Variants in PPP3CC observed in about 807,000 individuals in gnomAD.
PPP3CC encodes the protein protein phosphatase 3 catalytic subunit gamma, also known as serine/threonine-protein phosphatase 2B catalytic subunit gamma isoform.
A neutral mutation model predicts 60.3 loss-of-function variants in PPP3CC; 35 were observed. That is an observed-to-expected ratio of 0.58 (90% confidence interval 0.44 to 0.77). The LOEUF (loss-of-function observed/expected upper bound fraction) is 0.77, where lower values mean the gene tolerates loss of function less well. Among genes scored for constraint, PPP3CC ranks in the 30% least tolerant of loss-of-function variants. PPP3CC has a pLI of 0.00. For synonymous variants in PPP3CC, 206 were observed against 224.3 expected, an observed-to-expected ratio of 0.92 and a Z score of 0.73; for missense variants, 570 against 628.9, an observed-to-expected ratio of 0.91 and a Z score of 1.00.
intron 8 of PPP3CC, among the ~76,000 whole-genome samples, chr8:22,524,615 G>C (rs147294156): frequency 6.9e-4 from 105 of 152,174 alleles, no homozygotes; most frequent in Middle Eastern, 3.4e-3. Context: ...GTTGTTAAAC[G>C]TCTTCAAGGA....
chr8:22,470,624 A>G (rs1053339819), intron 1 of PPP3CC, among the ~76,000 whole-genome samples: 1 of 152,216 alleles, frequency 6.6e-6, no homozygotes, highest in African/African-American at 2.4e-5. Context: ...ACATCCCCAA[A>G]GAAGATATTC....
At chr8:22,497,895 G>A in intron 3 of PPP3CC, 106 bp from the exon 4 acceptor site, 1 of 680,510 alleles carries the variant, frequency 1.5e-6, no homozygotes, top group Admixed American at 3.2e-5. Flanking sequence ...CAATTTGGGA[G>A]TAACAATGAG....
At chr8:22,511,564 G>A (rs1390136827) in intron 5 of PPP3CC, among the ~76,000 whole-genome samples, 1 of 151,992 alleles carries the variant, frequency 6.6e-6, no homozygotes, top group East Asian at 1.9e-4. Context: ...GCCACCGCAC[G>A]CCTGGCCTAA....
chr8:22,508,353 T>G (rs1838986878), intron 4 of PPP3CC, among the ~76,000 whole-genome samples: 1 of 152,178 alleles, frequency 6.6e-6, no homozygotes, highest in South Asian at 2.1e-4. Context: ...AAGAAAAATA[T>G]AGATACCATT....
chr8:22,486,926 C>T (rs1475850702), intron 3 of PPP3CC, among the ~76,000 whole-genome samples: 1 of 151,870 alleles, frequency 6.6e-6, no homozygotes, highest in Admixed American at 6.6e-5. Flanking sequence ...GATGGGGTTT[C>T]ACCATGTTGG....
intron 12 of PPP3CC, among the ~76,000 whole-genome samples, chr8:22,534,910 T>C (rs1001920021): frequency 1.3e-5 from 2 of 152,194 alleles, no homozygotes; most frequent in African/African-American, 4.8e-5. Context: ...TAAGAACCAT[T>C]GGACTAATCA....
At chr8:22,513,912 T>A (rs1839164197) in intron 6 of PPP3CC, among the ~76,000 whole-genome samples, 1 of 152,212 alleles carries the variant, frequency 6.6e-6, no homozygotes, top group Non-Finnish European at 1.5e-5. Context: ...GCTGTTGTTT[T>A]AAATTTCACA....
chr8:22,455,178 T>G (rs1254162097), intron 1 of PPP3CC, among the ~76,000 whole-genome samples: 1 of 152,196 alleles, frequency 6.6e-6, no homozygotes, highest in East Asian at 1.9e-4. Context: ...CATAAATATT[T>G]GATGAGTTCC....
At chr8:22,497,393 G>A (rs1387873052) in intron 3 of PPP3CC, among the ~76,000 whole-genome samples, 1 of 151,654 alleles carries the variant, frequency 6.6e-6, no homozygotes, top group Admixed American at 6.6e-5. Context: ...GAACTCCTAG[G>A]CTCAAGTGAG....
At chr8:22,498,926 C>T (rs946504766) in intron 4 of PPP3CC, among the ~76,000 whole-genome samples, 2 of 150,836 alleles carry the variant, frequency 1.3e-5, no homozygotes, top group African/African-American at 4.9e-5. Context: ...AGTTCAAGAC[C>T]AGCCTGGCCA....
rs369186152 is a variant in PPP3CC, at chr8:22,446,561, C to T, written c.49+5103C>T. ...TTTTTAGGCCAGGCGTGGTGGCTCA[C>T]GCCTATAATCCCAGTACTTTGGGAA... On this transcript the variant is annotated intron_variant, in intron 1 of 13. Transcript: ENST00000240139. Among the ~76,000 whole-genome samples, 21 of 152,074 alleles carry T rather than the reference C, an allele frequency of 1.4e-4. No homozygotes were observed. The South Asian group carries it at 1.5e-3, about 11-fold the overall frequency.
chr8:22,455,965 G>C (rs149971938), intron 1 of PPP3CC, among the ~76,000 whole-genome samples: 2 of 152,292 alleles, frequency 1.3e-5, no homozygotes, highest in East Asian at 3.8e-4. Flanking sequence ...CAGTTGAAAG[G>C]GCACATAATA....
At chr8:22,452,988 G>A (rs1349523702) in intron 1 of PPP3CC, among the ~76,000 whole-genome samples, 2 of 152,148 alleles carry the variant, frequency 1.3e-5, no homozygotes, top group Non-Finnish European at 2.9e-5. Flanking sequence ...ACGCTTAGGT[G>A]CTTAGTAAAT....
At chr8:22,452,545 A>G (rs1837067218) in intron 1 of PPP3CC, among the ~76,000 whole-genome samples, 1 of 151,944 alleles carries the variant, frequency 6.6e-6, no homozygotes, top group Non-Finnish European at 1.5e-5. Flanking sequence ...AGCCGGCTGA[A>G]GAAGTGCAGT....
intron 3 of PPP3CC, among the ~76,000 whole-genome samples, chr8:22,495,071 C>G (rs1838526404): frequency 6.6e-6 from 1 of 152,178 alleles, no homozygotes; most frequent in Non-Finnish European, 1.5e-5. Context: ...CCTCAGCCTC[C>G]TGAATAGCTG....
chr8:22,470,295 T>G (rs1837684418), intron 1 of PPP3CC, among the ~76,000 whole-genome samples: 1 of 152,056 alleles, frequency 6.6e-6, no homozygotes, highest in Non-Finnish European at 1.5e-5. Flanking sequence ...CCCTGCAGTA[T>G]AATTTACAAT....
chr8:22,481,658 A>T (rs1485285806), intron 3 of PPP3CC, among the ~76,000 whole-genome samples: 3 of 151,740 alleles, frequency 2.0e-5, no homozygotes, highest in Admixed American at 6.6e-5. Context: ...CCTGTCATCT[A>T]CATTAGGTAC....
intron 3 of PPP3CC, among the ~76,000 whole-genome samples, chr8:22,478,442 G>A (rs961882627): frequency 2.6e-5 from 4 of 152,152 alleles, no homozygotes; most frequent in East Asian, 1.9e-4. Flanking sequence ...GAGCCACCGC[G>A]CCCAGCCTAA....
chr8:22,528,405 C>A, intron 9 of PPP3CC, 101 bp from the exon 10 acceptor site: 1 of 629,678 alleles, frequency 1.6e-6, no homozygotes, highest in Non-Finnish European at 2.5e-6. Context: ...ATAATTTTTG[C>A]TTATGCTTAC....
Sources: allele counts gnomAD v4.1 joint callset (sites outside exome capture counted in the v4.1 genomes callset), GRCh38; gene constraint gnomAD v4.1.1; transcripts MANE v1.5; gene names NCBI Gene and HGNC (gene_info 2026-07-23, HGNC 2026-07-21).